PRKDC: variants seen among roughly 807,000 people sequenced by gnomAD.
The protein encoded by PRKDC is protein kinase, DNA-activated, catalytic subunit.
Under a neutral mutation model 486.9 loss-of-function variants are expected in PRKDC, and 82 were observed. The observed-to-expected ratio is 0.17, with a 90% confidence interval of 0.14 to 0.20. PRKDC has a LOEUF of 0.20. PRKDC is among the 10% of genes least tolerant of loss of function. PRKDC has a pLI of 1.00. For missense variants in PRKDC, 4,504 were observed against 5,038.2 expected (o/e 0.89, Z 3.21); for synonymous variants, 1,895 against 1,837.0 (o/e 1.03, Z -0.81).
chr8:47,799,136 C>A (rs550570692), intron 72 of PRKDC, 74 bp downstream of exon 72: 1 of 1,546,508 alleles, frequency 6.5e-7, no homozygotes, highest in Non-Finnish European at 8.8e-7. Flanking sequence ...AAAGAGGAGA[C>A]CAAAGGTATG....
At position 47,886,160 on chromosome 8, in the gene PRKDC, AAGG is replaced by A. The variant is rs777387184; in HGVS notation, c.4573-16_4573-14del. The A allele has an allele frequency of 1.5e-5, 23 of 1,576,610 alleles. No homozygotes were observed. The highest frequency in any genetic ancestry group is 2.7e-5 in the African/African-American group (2 of 73,318). ...CAAGGCGCTCACACTGGGAAAAAGAAAGGAGAAGTACCATAACTGGGGCACATC... is the reference window on the plus strand; with the variant it reads ...CAAGGCGCTCACACTGGGAAAAAGAAAGAAGTACCATAACTGGGGCACATC... On this transcript the variant is annotated splice_polypyrimidine_tract_variant and intron_variant, in intron 35 of 85. Coordinates refer to ENST00000314191, the MANE Select transcript of PRKDC (RefSeq NM_006904.7).
In PRKDC at chr8:47,849,186, C is replaced by G; in HGVS notation, c.7248G>C (p.Lys2416Asn). ...TCATGACTTGAACGAAGTCCTTGCTCTTTAACTGGAAGTACAGCTCTGTCA... is the reference window on the plus strand; with the variant it reads ...TCATGACTTGAACGAAGTCCTTGCTGTTTAACTGGAAGTACAGCTCTGTCA... ...EGMTELYFQLKSKDFVQVMRH... is the reference protein window; with the variant it reads ...EGMTELYFQLNSKDFVQVMRH... The change falls in exon 54 of 86, where the codon AAG becomes AAC. Residue 2416 changes from lysine to asparagine, a missense_variant. Lys to Asn is a moderately conservative substitution (Grantham distance 94). Transcript: ENST00000314191. 1 of 1,614,018 alleles carries G rather than the reference C, an allele frequency of 6.2e-7. No individual in the cohort carries two copies. Among genetic ancestry groups the G allele is most frequent in the Non-Finnish European group, 8.5e-7 (1 of 1,179,898 alleles).
intron 85 of PRKDC, 83 bp downstream of exon 85, chr8:47,776,761 A>G (rs1416779499): frequency 6.6e-7 from 1 of 1,510,068 alleles, no homozygotes. Context: ...TCAAGAGCTC[A>G]GCACTTTGTA....
chr8:47,887,213 A>G (rs1334045718), intron 35 of PRKDC, among the ~76,000 whole-genome samples: 1 of 152,178 alleles, frequency 6.6e-6, no homozygotes, highest in Non-Finnish European at 1.5e-5. Flanking sequence ...GGCCCTCCCA[A>G]TCATCCATGT....
chr8:47,832,046 G>C (rs541333661), intron 59 of PRKDC, 120 bp from the exon 60 acceptor site: 2 of 821,344 alleles, frequency 2.4e-6, no homozygotes, highest in African/African-American at 3.4e-5. Flanking sequence ...GGCAGCGACC[G>C]GGAGCAGGAG....
intron 18 of PRKDC, 140 bp downstream of exon 18, chr8:47,929,713 T>C: frequency 3.1e-6 from 3 of 980,750 alleles, no homozygotes; most frequent in Admixed American, 3.7e-5. Flanking sequence ...GCCATTCACA[T>C]ATCAATTTTT....
At chr8:47,957,479 A>G in intron 1 of PRKDC, 48 bp from the exon 2 acceptor site, 2 of 1,432,744 alleles carry the variant, frequency 1.4e-6, no homozygotes, top group African/African-American at 1.4e-5. Flanking sequence ...CAAGAGCATC[A>G]TGTAAACCAC....
Position 47,800,782 on chromosome 8 carries a change from T to G in PRKDC, c.10116+11A>C, listed in dbSNP as rs371315933. The G allele has an allele frequency of 2.2e-4, 356 of 1,596,016 alleles. No homozygotes were observed. Among genetic ancestry groups the G allele is most frequent in the Non-Finnish European group, 2.9e-4 (345 of 1,171,144 alleles). ...ACAGCACACTAGCGTAAAACATTCC[T>G]CCAGTATTACCTTCTCTGAATCCTC... is the stretch of plus-strand genomic sequence containing the variant. On this transcript the variant is annotated intron_variant, in intron 71 of 85. Transcript: ENST00000314191.
intron 60 of PRKDC, among the ~76,000 whole-genome samples, chr8:47,831,051 C>T (rs965421865): frequency 1.3e-5 from 2 of 152,196 alleles, no homozygotes; most frequent in South Asian, 2.1e-4. Context: ...TCACTGAGAA[C>T]GAGGCCGGCA....
intron 25 of PRKDC, among the ~76,000 whole-genome samples, chr8:47,911,155 G>A (rs1042816540): frequency 9.2e-5 from 14 of 152,138 alleles, no homozygotes; most frequent in African/African-American, 2.4e-5. Context: ...TTACTGGCCC[G>A]CTGACAAGTG....
intron 74 of PRKDC, 78 bp downstream of exon 74, chr8:47,794,212 T>G: frequency 9.1e-7 from 1 of 1,103,148 alleles, no homozygotes; most frequent in Non-Finnish European, 1.3e-6. Flanking sequence ...ACAAATGTAG[T>G]GTCCACGTGT....
At chr8:47,887,510 A>G (rs552926421) in intron 35 of PRKDC, 37 bp downstream of exon 35, 1 of 1,503,618 alleles carries the variant, frequency 6.7e-7, no homozygotes, top group South Asian at 1.4e-5. Context: ...TATTTCTATT[A>G]TTAGGGGAGT....
intron 74 of PRKDC, among the ~76,000 whole-genome samples, chr8:47,790,294 A>G (rs1384016896): frequency 1.3e-5 from 2 of 152,264 alleles, no homozygotes; most frequent in African/African-American, 4.8e-5. Flanking sequence ...TCATAGAAGT[A>G]ATTCTATTTA....
At chr8:47,821,819 T>G (rs1178604158) in intron 64 of PRKDC, 27 bp from the exon 65 acceptor site, 4 of 1,501,764 alleles carry the variant, frequency 2.7e-6, no homozygotes, top group Non-Finnish European at 3.5e-6. Context: ...AATAAAATTA[T>G]TTTACAAAGT....
intron 54 of PRKDC, among the ~76,000 whole-genome samples, chr8:47,846,578 C>A (rs2088269988): frequency 6.6e-6 from 1 of 152,156 alleles, no homozygotes; most frequent in African/African-American, 2.4e-5. Flanking sequence ...TGGAAGCATT[C>A]CCCTTGAAAA....
At chr8:47,897,515 G>A (rs2089602985) in intron 29 of PRKDC, among the ~76,000 whole-genome samples, 1 of 152,176 alleles carries the variant, frequency 6.6e-6, no homozygotes, top group African/African-American at 2.4e-5. Context: ...TTCATGTGGG[G>A]AAAAATTAAA....
At chr8:47,858,446 T>C in intron 48 of PRKDC, 70 bp downstream of exon 48, 1 of 1,307,078 alleles carries the variant, frequency 7.7e-7, no homozygotes, top group Non-Finnish European at 1.0e-6. Context: ...TGCAATTGAT[T>C]CATTCATAGA....
At chr8:47,851,290 A>T (rs1023644874) in intron 52 of PRKDC, among the ~76,000 whole-genome samples, 1 of 152,248 alleles carries the variant, frequency 6.6e-6, no homozygotes, top group Admixed American at 6.5e-5. Context: ...GGTGGAAATG[A>T]AACATATTAT....
Position 47,779,301 on chromosome 8 carries a change from A to C in PRKDC, c.11490-208T>G, listed in dbSNP as rs143387112. 4 of 450,010 alleles carry C rather than the reference A, an allele frequency of 8.9e-6. No homozygotes were observed. The Admixed American group carries it at 1.6e-4, about 18-fold the overall frequency. 27.9% of individuals were successfully genotyped at this position (450,010 alleles called of 1,614,324 possible). Reference sequence around the variant, plus strand: ...CCATTATTCATTCTTAATTACTCCTAAAGAAATCCAAGCTATTGCCTATGA... The same window carrying C: ...CCATTATTCATTCTTAATTACTCCTCAAGAAATCCAAGCTATTGCCTATGA... On this transcript the variant is annotated intron_variant, in intron 80 of 85. Coordinates refer to ENST00000314191, the MANE Select transcript of PRKDC (RefSeq NM_006904.7).
Sources: gnomAD v4.1 joint callset for allele counts (sites outside exome capture counted in the v4.1 genomes callset) on GRCh38, gnomAD v4.1.1 for gene constraint, MANE v1.5 for transcripts, NCBI Gene and HGNC (gene_info 2026-07-23, HGNC 2026-07-21) for gene names.